The following PTCD3 variants were observed in gnomAD, a reference collection of about 807,000 sequenced individuals.
PTCD3 encodes small ribosomal subunit protein mS39.
PTCD3 carries 89 observed loss-of-function variants against 101.9 expected under a neutral mutation model. That is an observed-to-expected ratio of 0.87 (90% CI 0.74 to 1.04). The LOEUF (loss-of-function observed/expected upper bound fraction) is 1.04. Among genes scored for constraint, PTCD3 ranks in the 50% least tolerant of loss-of-function variants. PTCD3 has a pLI of 0.00. For missense variants in PTCD3, 870 were observed against 828.2 expected (o/e 1.05, Z -0.62); for synonymous variants, 296 against 278.5 (o/e 1.06, Z -0.63).
At chr2:86,117,301 G>T in intron 6 of PTCD3, 142 bp downstream of exon 6, 2 of 513,578 alleles carry the variant, frequency 3.9e-6, no homozygotes, top group East Asian at 3.0e-5. Context: ...AGTTAGCTTT[G>T]ATCACAAGAC....
rs1039729252 is a variant in PTCD3 at position 86,142,027 on chromosome 2, G to A, written c.*4468G>A. On this transcript the variant is annotated 3_prime_UTR_variant, in exon 24 of 24. Coordinates refer to ENST00000254630, the MANE Select transcript of PTCD3 (RefSeq NM_017952.6). Reference sequence around the variant, plus strand: ...CCTGGCCAAGCAGGGTCCCCTTTTCGGTATCATCTTTGTTCCTAATAAGCA... The same window carrying A: ...CCTGGCCAAGCAGGGTCCCCTTTTCAGTATCATCTTTGTTCCTAATAAGCA... 6.1e-5 allele frequency: 9 copies of A among 146,892 alleles called. No homozygotes were observed. Among genetic ancestry groups the A allele is most frequent in the Admixed American group, 2.1e-4 (3 of 14,176 alleles). The allele number at this position is 146,892 out of a possible 1,614,324, so 9.1% of individuals were successfully genotyped here.
At chr2:86,127,352 C>G (rs751276711) in intron 13 of PTCD3, 47 bp downstream of exon 13, 1 of 1,567,960 alleles carries the variant, frequency 6.4e-7, no homozygotes, top group South Asian at 1.2e-5. Flanking sequence ...CTGTGCCAGC[C>G]AGAGGTTTCA....
At chr2:86,112,906 C>T (rs918072204) in intron 4 of PTCD3, among the ~76,000 whole-genome samples, 4 of 152,000 alleles carry the variant, frequency 2.6e-5, no homozygotes, top group Non-Finnish European at 4.4e-5. Context: ...TCTTAGGGGA[C>T]GATTTGGCTG....
chr2:86,113,737 G>A (rs1674129504), intron 4 of PTCD3, among the ~76,000 whole-genome samples: 1 of 152,138 alleles, frequency 6.6e-6, no homozygotes, highest in African/African-American at 2.4e-5. Context: ...CCTGGGAGGT[G>A]GAGGTGGAGG....
At chr2:86,126,925 A>G (rs1342046143) in intron 12 of PTCD3, among the ~76,000 whole-genome samples, 3 of 152,094 alleles carry the variant, frequency 2.0e-5, no homozygotes, top group African/African-American at 7.2e-5. Flanking sequence ...TAGGTAGAAG[A>G]CTGAAGACAG....
Position 86,137,543 on chromosome 2 carries a change from C to T in PTCD3, c.2054C>T (p.Thr685Ile), listed in dbSNP as rs373101457. 7.5e-6 allele frequency: 12 copies of T among 1,610,436 alleles called. No homozygotes were observed. The African/African-American group carries it at 1.2e-4, about 16-fold the overall frequency. The change falls in exon 24 of 24, where the codon ACC becomes ATC. Residue 685 changes from threonine (T) to isoleucine (I), a missense_variant. Transcript: ENST00000254630. Reference protein sequence around the residue: ...TDSSSDSDSDTSEGK With the variant: ...TDSSSDSDSDISEGK ...AGCAGCAGTGACAGCGACAGTGACA[C>T]CAGTGAAGGCAAATGAAAGTGGAGA...
chr2:86,135,368 T>C (rs1314531676), intron 21 of PTCD3, among the ~76,000 whole-genome samples: 1 of 152,178 alleles, frequency 6.6e-6, no homozygotes, highest in Non-Finnish European at 1.5e-5. Flanking sequence ...CCCATCCCAC[T>C]CTCCAGCTTA....
chr2:86,124,235 G>A (rs920454708), intron 9 of PTCD3, among the ~76,000 whole-genome samples: 1 of 152,164 alleles, frequency 6.6e-6, no homozygotes. Context: ...GTGTCTAAAA[G>A]GAAGACACTT....
intron 3 of PTCD3, 72 bp downstream of exon 3, chr2:86,108,608 A>T: frequency 7.2e-7 from 1 of 1,386,992 alleles, no homozygotes; most frequent in Non-Finnish European, 9.8e-7. Flanking sequence ...AGGGTTAGGT[A>T]AGGAGACAGT....
chr2:86,128,573 A>C (rs577629170), intron 14 of PTCD3, among the ~76,000 whole-genome samples: 1 of 152,306 alleles, frequency 6.6e-6, no homozygotes, highest in South Asian at 2.1e-4. Context: ...ATGTGTCGTG[A>C]TGCAGATTCA....
At chr2:86,118,408 C>G (rs1353414945) in intron 6 of PTCD3, among the ~76,000 whole-genome samples, 1 of 152,172 alleles carries the variant, frequency 6.6e-6, no homozygotes, top group Non-Finnish European at 1.5e-5. Flanking sequence ...CTCCCATATC[C>G]CTACATCTCT....
intron 15 of PTCD3, 57 bp from the exon 16 acceptor site, chr2:86,131,021 A>T: frequency 6.5e-7 from 1 of 1,543,132 alleles, no homozygotes; most frequent in Non-Finnish European, 8.8e-7. Context: ...AATGTTACTG[A>T]CTTGAAAATA....
chr2:86,121,736 A>C, intron 8 of PTCD3, 142 bp downstream of exon 8: 1 of 522,708 alleles, frequency 1.9e-6, no homozygotes. Flanking sequence ...AGCCTTGATA[A>C]AAAGTGGTAT....
chr2:86,136,361 G>C lies in PTCD3; in HGVS notation c.1779-160G>C, dbSNP rs941622187. Among the ~76,000 whole-genome samples, 3 of 152,248 alleles carry C rather than the reference G, an allele frequency of 2.0e-5. No homozygotes were observed. In the South Asian group the frequency reaches 6.2e-4, roughly 32 times the overall value. Reference sequence around the variant, plus strand: ...TGCGGTGATTCTCATGTACACACAGGGCTGGGAGCTAGTAGAGCCCACAGA... The same window carrying C: ...TGCGGTGATTCTCATGTACACACAGCGCTGGGAGCTAGTAGAGCCCACAGA... On this transcript the variant is annotated intron_variant, in intron 21 of 23. Coordinates refer to ENST00000254630, the MANE Select transcript of PTCD3 (RefSeq NM_017952.6).
chr2:86,136,607 A>G, intron 22 of PTCD3, 45 bp downstream of exon 22: 1 of 1,578,740 alleles, frequency 6.3e-7, no homozygotes, highest in Non-Finnish European at 8.7e-7. Flanking sequence ...GCCTGGAAGT[A>G]GCCACATTTG....
chr2:86,130,785 C>T (rs114971942), intron 15 of PTCD3, 48 bp downstream of exon 15: 46,173 of 1,602,648 alleles, frequency 0.029, 831 homozygotes, highest in Non-Finnish European at 0.034. Flanking sequence ...GACAGAGGGC[C>T]GGTTTACCTG....
Position 86,137,539 on chromosome 2 carries a change from G to A in PTCD3, c.2050G>A (p.Asp684Asn), listed in dbSNP as rs1272911898. 2.5e-6 allele frequency: 4 copies of A among 1,612,358 alleles called. No individual in the cohort carries two copies. In the Admixed American group the frequency reaches 6.7e-5, roughly 27 times the overall value. Residue 684 changes from aspartate to asparagine, a missense_variant, in exon 24 of 24, where the codon GAC (aspartate) becomes AAC (asparagine). Asp to Asn is a conservative substitution (Grantham distance 23). Coordinates refer to ENST00000254630, the MANE Select transcript of PTCD3 (RefSeq NM_017952.6). ...DTDSSSDSDS[D>N]TSEGK The stretch of plus-strand genomic sequence containing the variant: ...TGACAGCAGCAGTGACAGCGACAGT[G>A]ACACCAGTGAAGGCAAATGAAAGTG...
rs1447178908 is a variant in PTCD3, at chr2:86,125,086, C to T, written c.804+4C>T. ...AATGATCCGAGGAATGGTGAAGGTA[C>T]ATTTGTTTTATTTATTTTTGTCTTT... On this transcript the variant is annotated splice_donor_region_variant and intron_variant, in intron 10 of 23. Transcript: ENST00000254630. 6.2e-7 allele frequency: 1 copy of T among 1,612,874 alleles called. No homozygotes were observed. Among genetic ancestry groups the T allele is most frequent in the Non-Finnish European group, 8.5e-7 (1 of 1,179,706 alleles).
chr2:86,124,074 C>T (rs1674339885), intron 9 of PTCD3, among the ~76,000 whole-genome samples: 2 of 152,068 alleles, frequency 1.3e-5, no homozygotes, highest in South Asian at 4.1e-4. Flanking sequence ...GGAATATATA[C>T]CTCTAATTCT....
Sources: gnomAD v4.1 joint callset for allele counts (sites outside exome capture counted in the v4.1 genomes callset) on GRCh38, gnomAD v4.1.1 for gene constraint, MANE v1.5 for transcripts, NCBI Gene and HGNC (gene_info 2026-07-23, HGNC 2026-07-21) for gene names.